SORCS2: variants seen among roughly 807,000 people sequenced by gnomAD.
SORCS2 encodes the protein sortilin related VPS10 domain containing receptor 2, also known as VPS10 domain-containing receptor SorCS2.
In SORCS2, 100 loss-of-function variants were observed where a neutral mutation model predicts 141.6. The observed-to-expected ratio is 0.71, with a 90% CI of 0.60 to 0.83. SORCS2 has a LOEUF of 0.83. Ranked by LOEUF, SORCS2 falls within the 40% of genes least tolerant of loss-of-function variation. The pLI is 0.00. For missense variants in SORCS2, 1,646 were observed against 1,560.2 expected, an observed-to-expected ratio of 1.05 and a Z score of -0.93; for synonymous variants, 789 against 676.9, an observed-to-expected ratio of 1.17 and a Z score of -2.57.
chr4:7,702,145 C>T (rs1259899573), intron 12 of SORCS2, among the ~76,000 whole-genome samples: 1 of 152,174 alleles, frequency 6.6e-6, no homozygotes, highest in Non-Finnish European at 1.5e-5. Flanking sequence ...GCGTGCTGGC[C>T]CTAGTGGGGT....
intron 3 of SORCS2, among the ~76,000 whole-genome samples, chr4:7,538,871 A>G (rs1469382009): frequency 1.3e-5 from 2 of 152,190 alleles, no homozygotes; most frequent in African/African-American, 2.4e-5. Flanking sequence ...AAGAAGCTCA[A>G]AGTATTGCGG....
chr4:7,208,089 A>G (rs1727848722), intron 1 of SORCS2, among the ~76,000 whole-genome samples: 1 of 152,012 alleles, frequency 6.6e-6, no homozygotes, highest in South Asian at 2.1e-4. Flanking sequence ...AAGGCAAAGA[A>G]GATCAGCTGG....
intron 2 of SORCS2, among the ~76,000 whole-genome samples, chr4:7,460,965 C>T (rs1729269089): frequency 6.6e-6 from 1 of 152,132 alleles, no homozygotes; most frequent in Non-Finnish European, 1.5e-5. Flanking sequence ...TCATTTCTCC[C>T]CCCTCTCTTT....
At chr4:7,400,131 C>A (rs951061633) in intron 2 of SORCS2, among the ~76,000 whole-genome samples, 1 of 152,118 alleles carries the variant, frequency 6.6e-6, no homozygotes, top group African/African-American at 2.4e-5. Context: ...GCCATACCCC[C>A]TGCAAAAACC....
At chr4:7,501,316 CT>C (rs2109430354) in intron 2 of SORCS2, among the ~76,000 whole-genome samples, 2 of 150,826 alleles carry the variant, frequency 1.3e-5, no homozygotes, top group East Asian at 3.9e-4. Flanking sequence ...CAATCCTGAG[CT>C]TTTTATTGTT....
chr4:7,342,985 G>A (rs1720447450), intron 1 of SORCS2, among the ~76,000 whole-genome samples: 1 of 152,204 alleles, frequency 6.6e-6, no homozygotes, highest in Admixed American at 6.5e-5. Context: ...GGAACTGAGG[G>A]ACATAGGGTG....
chr4:7,221,305 C>T (rs4689650), intron 1 of SORCS2, among the ~76,000 whole-genome samples: 38,800 of 152,100 alleles, frequency 0.26, 5,250 homozygotes, highest in East Asian at 0.45. Context: ...GCAAACATCC[C>T]GGTCCCACCA....
chr4:7,570,991 C>T (rs11942379), intron 3 of SORCS2, among the ~76,000 whole-genome samples: 39,837 of 152,082 alleles, frequency 0.26, 5,463 homozygotes, highest in Non-Finnish European at 0.32. Context: ...AGAGGCGCAG[C>T]CACTCTCCAA....
rs1298548427 is a variant in SORCS2, at chr4:7,697,210, C to T, written c.1604C>T (p.Ser535Leu). ...TCTTTTGGACCAGGTAACCTGGGCT[C>T]ACAGCTGGTGGAATATAAAGAAGAA... ...GLIMGAGNLG[S>L]QLVEYKEEMY... The change falls in exon 12 of 27, where the codon TCA becomes TTA. Residue 535 changes from serine (S) to leucine (L), a missense_variant. By Grantham distance (145) the Ser-to-Leu change is moderately radical. Coordinates refer to ENST00000507866, the MANE Select transcript of SORCS2 (RefSeq NM_020777.3). The T allele has an allele frequency of 1.9e-6, 3 of 1,584,116 alleles. No homozygotes were observed. Among genetic ancestry groups the T allele is most frequent in the Non-Finnish European group, 2.6e-6 (3 of 1,165,134 alleles).
intron 1 of SORCS2, among the ~76,000 whole-genome samples, chr4:7,324,200 G>A (rs1201821964): frequency 1.3e-5 from 2 of 152,230 alleles, no homozygotes; most frequent in Non-Finnish European, 2.9e-5. Context: ...CCTCCCTGAC[G>A]AGATGGCTTT....
At chr4:7,677,895 C>G (rs554428414) in intron 9 of SORCS2, among the ~76,000 whole-genome samples, 210 of 152,266 alleles carry the variant, frequency 1.4e-3, no homozygotes, top group African/African-American at 4.6e-3. Context: ...CTCTGAGCCT[C>G]TAGGAGGGGA....
At position 7,714,240 on chromosome 4, in the gene SORCS2, G is replaced by A. The variant is rs1560106168; in HGVS notation, c.1990G>A (p.Gly664Ser). The A allele has an allele frequency of 1.9e-6, 3 of 1,610,112 alleles. No individual in the cohort carries two copies. The highest frequency in any genetic ancestry group is 2.5e-6 in the Non-Finnish European group (3 of 1,178,438). ...CCTTACCCTGATGTTCCTGCTGCAG[G>A]GCGACCGCTGTATCATGGGCCAGCA... ...YSSWELSNLQ[G>S]DRCIMGQQRS... The change falls in exon 16 of 27, where the codon GGC becomes AGC. Residue 664 changes from glycine (G) to serine (S), a missense_variant and splice_region_variant. Physicochemically the swap from Gly to Ser is moderately conservative, Grantham distance 56. Coordinates refer to ENST00000507866, the MANE Select transcript of SORCS2 (RefSeq NM_020777.3).
intron 3 of SORCS2, among the ~76,000 whole-genome samples, chr4:7,573,983 T>A (rs979423451): frequency 5.3e-5 from 8 of 152,264 alleles, no homozygotes; most frequent in African/African-American, 9.6e-5. Flanking sequence ...CCTTGGCTCT[T>A]CCTGAATGTC....
intron 21 of SORCS2, among the ~76,000 whole-genome samples, chr4:7,727,304 T>C (rs1344487964): frequency 6.6e-6 from 1 of 152,200 alleles, no homozygotes; most frequent in Non-Finnish European, 1.5e-5. Flanking sequence ...AGAGGACTCC[T>C]GTCTAGAGAA....
intron 3 of SORCS2, among the ~76,000 whole-genome samples, chr4:7,541,565 T>G (rs1470743122): frequency 6.6e-6 from 1 of 152,244 alleles, no homozygotes; most frequent in African/African-American, 2.4e-5. Flanking sequence ...GGCTCACAGC[T>G]GTGGCCAGGG....
At chr4:7,318,139 T>A (rs998108243) in intron 1 of SORCS2, among the ~76,000 whole-genome samples, 8 of 152,170 alleles carry the variant, frequency 5.3e-5, no homozygotes. Flanking sequence ...TTGGCGGCCA[T>A]TTTGCATATA....
chr4:7,541,235 G>A (rs889957074), intron 3 of SORCS2, among the ~76,000 whole-genome samples: 12 of 151,920 alleles, frequency 7.9e-5, no homozygotes, highest in Non-Finnish European at 1.5e-4. Flanking sequence ...GTGGTGTAGG[G>A]GTGTGGGCGC....
chr4:7,647,343 T>G (rs1471765247), intron 4 of SORCS2, among the ~76,000 whole-genome samples: 1 of 152,164 alleles, frequency 6.6e-6, no homozygotes, highest in Non-Finnish European at 1.5e-5. Context: ...ACTCCCAGGA[T>G]TGCTGAAGAG....
chr4:7,408,054 GT>G (rs1725081646), intron 2 of SORCS2, among the ~76,000 whole-genome samples: 1 of 152,076 alleles, frequency 6.6e-6, no homozygotes, highest in African/African-American at 2.4e-5. Context: ...AGCTATTACT[GT>G]TTTCAATAGA....
Sources: allele counts gnomAD v4.1 joint callset (sites outside exome capture counted in the v4.1 genomes callset), GRCh38; gene constraint gnomAD v4.1.1; transcripts MANE v1.5; gene names NCBI Gene and HGNC (gene_info 2026-07-23, HGNC 2026-07-21).